CACNA2D1: variants seen among roughly 807,000 people sequenced by gnomAD.
The protein encoded by CACNA2D1 is voltage-dependent calcium channel subunit alpha-2/delta-1.
Under a neutral mutation model 171.5 loss-of-function variants are expected in CACNA2D1, and 53 were observed. That is an observed-to-expected ratio of 0.31 (90% CI 0.25 to 0.39). The LOEUF is 0.39. Among genes scored for constraint, CACNA2D1 ranks in the 10% least tolerant of loss-of-function variants. CACNA2D1 has a pLI of 1.00. For missense variants in CACNA2D1, 903 were observed against 1,299.8 expected, an observed-to-expected ratio of 0.69 and a Z score of 4.69; for synonymous variants, 442 against 443.1, an observed-to-expected ratio of 1.00 and a Z score of 0.03.
intron 3 of CACNA2D1, among the ~76,000 whole-genome samples, chr7:82,287,130 GC>G (rs1810894136): frequency 6.6e-6 from 1 of 151,978 alleles, no homozygotes; most frequent in Non-Finnish European, 1.5e-5. Flanking sequence ...GACAATTAGC[GC>G]CAATGTATTA....
intron 1 of CACNA2D1, among the ~76,000 whole-genome samples, chr7:82,432,923 C>T (rs1585945671): frequency 1.3e-5 from 2 of 152,126 alleles, no homozygotes; most frequent in African/African-American, 2.4e-5. Flanking sequence ...TCGCGGCTCA[C>T]GCCTGTAATC....
intron 3 of CACNA2D1, among the ~76,000 whole-genome samples, chr7:82,175,171 A>T (rs1796429960): frequency 6.6e-6 from 1 of 151,948 alleles, no homozygotes; most frequent in African/African-American, 2.4e-5. Context: ...TTTTCTTTTG[A>T]TAGCTTTAAA....
intron 19 of CACNA2D1, 120 bp from the exon 20 acceptor site, chr7:81,995,059 A>C (rs1797902353): frequency 1.6e-6 from 1 of 612,720 alleles, no homozygotes; most frequent in African/African-American, 1.8e-5. Flanking sequence ...AAATAAAAAT[A>C]GGGGGTTAGT....
At chr7:81,958,869 T>G (rs1444816580) in intron 38 of CACNA2D1, among the ~76,000 whole-genome samples, 1 of 152,012 alleles carries the variant, frequency 6.6e-6, no homozygotes, top group Admixed American at 6.6e-5. Context: ...ACTAGAACTC[T>G]GTAATAATAA....
At chr7:82,373,070 G>A (rs1311680241) in intron 1 of CACNA2D1, among the ~76,000 whole-genome samples, 3 of 152,122 alleles carry the variant, frequency 2.0e-5, no homozygotes, top group Non-Finnish European at 2.9e-5. Flanking sequence ...TGTAGTCCCA[G>A]CTACTCAGGA....
chr7:82,138,432 TTTTTTTTG>T, intron 4 of CACNA2D1, among the ~76,000 whole-genome samples: 7 of 67,666 alleles, frequency 1.0e-4, no homozygotes, highest in South Asian at 9.0e-4. Context: ...ATTAGTTTTG[TTTTTTTTG>T]TTTTTTTTGT....
chr7:82,130,228 G>A (rs1790789874), intron 5 of CACNA2D1, among the ~76,000 whole-genome samples: 1 of 142,132 alleles, frequency 7.0e-6, no homozygotes, highest in Middle Eastern at 3.8e-3. Flanking sequence ...TGCTCTCTGG[G>A]AACTTATACT....
At chr7:82,057,651 AG>A (rs1416006289) in intron 10 of CACNA2D1, among the ~76,000 whole-genome samples, 7 of 152,028 alleles carry the variant, frequency 4.6e-5, no homozygotes, top group African/African-American at 1.7e-4. Context: ...TAATGGTAAG[AG>A]GGAACTTGGG....
chr7:81,969,860 G>A, intron 28 of CACNA2D1, 21 bp downstream of exon 28: 1 of 1,366,548 alleles, frequency 7.3e-7, no homozygotes, highest in Non-Finnish European at 1.0e-6. Context: ...GAGAAAAGCT[G>A]AATTCCAAAG....
chr7:82,153,930 A>G (rs983594460), intron 4 of CACNA2D1, among the ~76,000 whole-genome samples: 1 of 152,170 alleles, frequency 6.6e-6, no homozygotes, highest in Admixed American at 6.5e-5. Context: ...TAGGAGGAAG[A>G]AAAAGATAAC....
chr7:82,361,522 ATTATGAAACATTTGC>A (rs1048776437), intron 1 of CACNA2D1, among the ~76,000 whole-genome samples: 7 of 152,164 alleles, frequency 4.6e-5, no homozygotes, highest in African/African-American at 1.7e-4. Flanking sequence ...AATGTTTCAA[ATTATGAAACATTTGC>A]TAATGTTTAA....
chr7:82,443,165 C>G (rs1170111032), intron 1 of CACNA2D1, among the ~76,000 whole-genome samples, 200 bp downstream of exon 1: 3 of 151,990 alleles, frequency 2.0e-5, no homozygotes, highest in East Asian at 2.0e-4. Context: ...TGGAGGCGCC[C>G]GAGACGCCGG....
At position 82,193,168 on chromosome 7, in the gene CACNA2D1, T is replaced by C. The variant is rs544365652; in HGVS notation, c.295-22559A>G. Reference sequence around the variant, plus strand: ...TGCACTTTACCCGGGCTTCAACCCCTCATAATTCAAGTAAATAAGGCCAAA... The same window carrying C: ...TGCACTTTACCCGGGCTTCAACCCCCCATAATTCAAGTAAATAAGGCCAAA... On this transcript the variant is annotated intron_variant, in intron 3 of 38. Transcript: ENST00000356860. Among the ~76,000 whole-genome samples, 3 of 144,432 alleles carry C rather than the reference T, an allele frequency of 2.1e-5. No homozygotes were observed. In the East Asian group the frequency reaches 5.9e-4, roughly 28 times the overall value. The allele number at this position is 144,432 out of a possible 152,430, so 94.8% of individuals were successfully genotyped here.
chr7:82,380,589 T>A (rs1305380345), intron 1 of CACNA2D1, among the ~76,000 whole-genome samples: 5 of 152,100 alleles, frequency 3.3e-5, no homozygotes, highest in African/African-American at 1.2e-4. Context: ...CAAAATTATA[T>A]ATTTTGTGAA....
At chr7:82,127,310 A>G (rs79394307) in intron 5 of CACNA2D1, among the ~76,000 whole-genome samples, 1 of 152,290 alleles carries the variant, frequency 6.6e-6, no homozygotes, top group Non-Finnish European at 1.5e-5. Context: ...CCATAGTAAA[A>G]GCTAGCTTTA....
chr7:82,345,652 T>C (rs1156948560), intron 2 of CACNA2D1, among the ~76,000 whole-genome samples: 1 of 151,286 alleles, frequency 6.6e-6, no homozygotes, highest in African/African-American at 2.4e-5. Flanking sequence ...ATGATCAGCC[T>C]TGCCATTTGC....
At chr7:82,162,160 A>C (rs573913876) in intron 4 of CACNA2D1, among the ~76,000 whole-genome samples, 1 of 152,218 alleles carries the variant, frequency 6.6e-6, no homozygotes, top group African/African-American at 2.4e-5. Flanking sequence ...GATGAAATTT[A>C]AAGTCAAATT....
intron 7 of CACNA2D1, among the ~76,000 whole-genome samples, chr7:82,082,494 A>C (rs1809922846): frequency 6.6e-6 from 1 of 151,964 alleles, no homozygotes; most frequent in Non-Finnish European, 1.5e-5. Context: ...AAAAGGCTAA[A>C]ACAAAGGCAC....
At chr7:82,241,514 A>G (rs1213262683) in intron 3 of CACNA2D1, among the ~76,000 whole-genome samples, 1 of 152,122 alleles carries the variant, frequency 6.6e-6, no homozygotes, top group Admixed American at 6.5e-5. Flanking sequence ...GGGAATACTC[A>G]CTTCAAATCT....
Sources: gnomAD v4.1 joint callset for allele counts (sites outside exome capture counted in the v4.1 genomes callset) on GRCh38, gnomAD v4.1.1 for gene constraint, MANE v1.5 for transcripts, NCBI Gene and HGNC (gene_info 2026-07-23, HGNC 2026-07-21) for gene names.